Variants in NEBL observed in about 807,000 individuals in gnomAD.
NEBL encodes the protein nebulette.
Under a neutral mutation model 140.2 loss-of-function variants are expected in NEBL, and 122 were observed. The observed-to-expected ratio is 0.87, with a 90% CI of 0.75 to 1.01. The LOEUF (loss-of-function observed/expected upper bound fraction) is 1.01, where lower values mean the gene tolerates loss of function less well. Among genes scored for constraint, NEBL ranks in the 50% least tolerant of loss-of-function variants. NEBL has a pLI of 0.00. For synonymous variants in NEBL, 436 were observed against 398.9 expected, an observed-to-expected ratio of 1.09 and a Z score of -1.11; for missense variants, 1,365 against 1,231.3, an observed-to-expected ratio of 1.11 and a Z score of -1.62.
At chr10:20,993,063 G>A (rs567052461) in intron 3 of NEBL, among the ~76,000 whole-genome samples, 126 of 151,978 alleles carry the variant, frequency 8.3e-4, no homozygotes, top group African/African-American at 2.8e-3. Context: ...GATTACAGTC[G>A]TGAGCCACCG....
At chr10:21,043,396 G>A (rs979028530) in intron 2 of NEBL, among the ~76,000 whole-genome samples, 14 of 152,188 alleles carry the variant, frequency 9.2e-5, no homozygotes, top group Non-Finnish European at 1.3e-4. Context: ...CTTCGAGTGT[G>A]CTTTCTATGC....
intron 26 of NEBL, among the ~76,000 whole-genome samples, chr10:20,802,031 C>T (rs1837171609): frequency 6.6e-6 from 1 of 152,110 alleles, no homozygotes; most frequent in African/African-American, 2.4e-5. Context: ...CATCACACTC[C>T]CATATCCTTT....
At chr10:21,158,111 C>A (rs755088965) in intron 2 of NEBL, among the ~76,000 whole-genome samples, 8 of 152,208 alleles carry the variant, frequency 5.3e-5, no homozygotes, top group Non-Finnish European at 1.2e-4. Flanking sequence ...TTTGTCACAG[C>A]AAGCCTAGCA....
intron 3 of NEBL, among the ~76,000 whole-genome samples, chr10:21,209,095 T>C (rs1398426635): frequency 6.6e-6 from 1 of 152,140 alleles, no homozygotes; most frequent in Non-Finnish European, 1.5e-5. Context: ...ATGAATTCTG[T>C]CTCCCAGTTG....
chr10:20,901,913 G>A (rs1360474005), upstream of NEBL, among the ~76,000 whole-genome samples: 1 of 152,182 alleles, frequency 6.6e-6, no homozygotes, highest in African/African-American at 2.4e-5. Flanking sequence ...AGAAATGTAA[G>A]CACTCTAGGA....
At chr10:21,120,696 A>C (rs967399694) in intron 2 of NEBL, among the ~76,000 whole-genome samples, 3 of 148,622 alleles carry the variant, frequency 2.0e-5, no homozygotes, top group Admixed American at 6.7e-5. Context: ...AAAAAAAAAA[A>C]AAAAAAAACC....
chr10:20,919,716 G>A (rs1035959052), intron 4 of NEBL, among the ~76,000 whole-genome samples: 4 of 152,184 alleles, frequency 2.6e-5, no homozygotes, highest in Admixed American at 1.3e-4. Context: ...ATATGAAACC[G>A]TGGAACAAAA....
intron 3 of NEBL, among the ~76,000 whole-genome samples, chr10:21,219,418 CTCT>C (rs1842038136): frequency 6.6e-6 from 1 of 152,128 alleles, no homozygotes; most frequent in Non-Finnish European, 1.5e-5. Flanking sequence ...TACTCCTAGA[CTCT>C]ATTACCATTT....
At chr10:21,032,455 A>C (rs963301389) in intron 2 of NEBL, among the ~76,000 whole-genome samples, 2 of 152,172 alleles carry the variant, frequency 1.3e-5, no homozygotes, top group African/African-American at 4.8e-5. Flanking sequence ...ATGTCTATTC[A>C]TGAATTTCCT....
chr10:20,880,761 C>T (rs770551136), intron 5 of NEBL, 33 bp downstream of exon 5: 66 of 1,500,372 alleles, frequency 4.4e-5, no homozygotes, highest in Non-Finnish European at 5.9e-5. Context: ...AACTACAGTT[C>T]GCTAGAAAAT....
chr10:21,173,131 C>T lies in NEBL; in HGVS notation c.69+634G>A, dbSNP rs1165002387. Among the ~76,000 whole-genome samples, 5 of 152,178 alleles carry T rather than the reference C, an allele frequency of 3.3e-5. No homozygotes were observed. Among genetic ancestry groups the T allele is most frequent in the African/African-American group, 1.2e-4 (5 of 41,452 alleles). On this transcript the variant is annotated intron_variant, in intron 1 of 6. Transcript: ENST00000417816. This position sits in a 1 kb window ranked among gnomAD's most constrained non-coding sequence, Gnocchi z 5.7. ...CCCGGGCTGTTCATCTCCGTCCCTG[C>T]CCGGGAAGGGCAGGGGGCAGGGCTG...
intron 2 of NEBL, among the ~76,000 whole-genome samples, chr10:21,028,248 A>G (rs370705101): frequency 9.7e-4 from 31 of 32,104 alleles, no homozygotes; most frequent in East Asian, 7.2e-3. Context: ...AAAAAAAAAA[A>G]AAAAAAAAGA....
chr10:20,972,339 G>A (rs909840731), intron 3 of NEBL, among the ~76,000 whole-genome samples: 1 of 152,058 alleles, frequency 6.6e-6, no homozygotes, highest in African/African-American at 2.4e-5. Flanking sequence ...TATTGATCAG[G>A]CAAACACCAA....
rs114199244 is a variant in NEBL at position 21,249,578 on chromosome 10, A to G, written n.280-1589T>C. Among the ~76,000 whole-genome samples the G allele has an allele frequency of 3.9e-3, 585 of 150,896 alleles. 6 individuals are homozygous for G. Among genetic ancestry groups the G allele is most frequent in the African/African-American group, 0.013 (559 of 41,424 alleles). ...CTTAGGTAAGGTAAGGGTCCTATTT[A>G]AATATTTTATTTAAATTTTATTTTT... is the stretch of plus-strand genomic sequence containing the variant. On this transcript the variant is annotated intron_variant and non_coding_transcript_variant, in intron 2 of 8. Coordinates refer to the NEBL transcript ENST00000675702.
intron 4 of NEBL, among the ~76,000 whole-genome samples, chr10:20,922,255 C>T (rs1050749404): frequency 1.3e-5 from 2 of 152,228 alleles, no homozygotes; most frequent in Non-Finnish European, 2.9e-5. Context: ...TGACTCCTCT[C>T]TGTGTCATAG....
chr10:21,055,835 C>T (rs1020943478), intron 2 of NEBL, among the ~76,000 whole-genome samples: 2 of 152,096 alleles, frequency 1.3e-5, no homozygotes, highest in Non-Finnish European at 2.9e-5. Flanking sequence ...GGGGCTCCCG[C>T]GTGAGAATGA....
intron 3 of NEBL, among the ~76,000 whole-genome samples, chr10:20,997,031 T>C (rs1837693744): frequency 6.6e-6 from 1 of 152,212 alleles, no homozygotes; most frequent in South Asian, 2.1e-4. Context: ...ACATTTAGTT[T>C]CAAAAATCCA....
chr10:20,848,467 C>T (rs1246772789), intron 11 of NEBL, among the ~76,000 whole-genome samples: 1 of 152,198 alleles, frequency 6.6e-6, no homozygotes, highest in Non-Finnish European at 1.5e-5. Context: ...AGTCTCCAAT[C>T]CTTAGACCAT....
chr10:21,228,931 G>A (rs1304644037), intron 3 of NEBL, among the ~76,000 whole-genome samples: 1 of 152,104 alleles, frequency 6.6e-6, no homozygotes, highest in East Asian at 1.9e-4. Context: ...TGAACTGTTG[G>A]ACTCTCCAGA....
Sources: gnomAD v4.1 joint callset for allele counts (sites outside exome capture counted in the v4.1 genomes callset) on GRCh38, gnomAD v4.1.1 for gene constraint, Gnocchi (gnomAD v3.1) non-coding constraint, MANE v1.5 for transcripts, NCBI Gene and HGNC (gene_info 2026-07-23, HGNC 2026-07-21) for gene names.